The following MRPS27 variants were observed in gnomAD, a reference collection of about 807,000 sequenced individuals.
MRPS27 encodes the protein mitochondrial ribosomal protein S27.
A neutral mutation model predicts 48.9 loss-of-function variants in MRPS27; 43 were observed. The observed-to-expected ratio is 0.88, with a 90% CI of 0.69 to 1.13. The LOEUF (loss-of-function observed/expected upper bound fraction) is 1.13, where lower values mean the gene tolerates loss of function less well. Ranked by LOEUF, MRPS27 falls within the 50% of genes most tolerant of loss-of-function variation. MRPS27 has a pLI of 0.00. For synonymous variants in MRPS27, 188 were observed against 171.9 expected, an observed-to-expected ratio of 1.09 and a Z score of -0.73; for missense variants, 467 against 476.3, an observed-to-expected ratio of 0.98 and a Z score of 0.18.
chr5:72,247,126 A>T, intron 4 of MRPS27, among the ~76,000 whole-genome samples: 1 of 152,192 alleles, frequency 6.6e-6, no homozygotes, highest in East Asian at 1.9e-4. Context: ...TACAGGGGCC[A>T]GTCAGTTAAT....
rs66874536 is a variant in MRPS27 at position 72,270,193 on chromosome 5, C to CAATAATAAT, written c.281+25329_281+25337dup. Among the ~76,000 whole-genome samples, 847 of 140,306 alleles carry CAATAATAAT rather than the reference C, an allele frequency of 6.0e-3. 8 individuals carry two copies. Among genetic ancestry groups the CAATAATAAT allele is most frequent in the African/African-American group, 0.017 (640 of 37,886 alleles). The allele number at this position is 140,306 out of a possible 152,430, so 92.0% of individuals were successfully genotyped here. On this transcript the variant is annotated intron_variant, in intron 4 of 10. Transcript: ENST00000261413. ...GGGCGACAAAAGAGAAACTCCATCT[C>CAATAATAAT]AATAATAATAATAATAATAATAATA...
intron 4 of MRPS27, among the ~76,000 whole-genome samples, chr5:72,282,288 C>T (rs1749552769): frequency 6.6e-6 from 1 of 152,192 alleles, no homozygotes; most frequent in African/African-American, 2.4e-5. Flanking sequence ...ATAAATCTCT[C>T]CTTGAAGCTT....
Position 72,223,655 on chromosome 5 carries a change from A to G in MRPS27, c.1005+28T>C, listed in dbSNP as rs1360877307. Reference sequence around the variant, plus strand: ...AGAGAAGTGTGTTTTATGCGCTGCTAAGAGAGACACGTTCTGCTATGATTC... The same window carrying G: ...AGAGAAGTGTGTTTTATGCGCTGCTGAGAGAGACACGTTCTGCTATGATTC... On this transcript the variant is annotated intron_variant, in intron 10 of 10. Transcript: ENST00000261413. 4.3e-6 allele frequency: 7 copies of G among 1,613,044 alleles called. No individual in the cohort carries two copies. The Admixed American group carries it at 6.7e-5, about 15-fold the overall frequency.
intron 4 of MRPS27, among the ~76,000 whole-genome samples, chr5:72,250,834 C>T (rs10474635): frequency 0.76 from 116,177 of 152,098 alleles, 45,018 homozygotes; most frequent in African/African-American, 0.89. Flanking sequence ...GGCGAGATCA[C>T]AGGCATAACT....
intron 2 of MRPS27, among the ~76,000 whole-genome samples, chr5:72,307,400 C>G (rs1258520176): frequency 6.6e-6 from 1 of 152,094 alleles, no homozygotes; most frequent in African/African-American, 2.4e-5. Context: ...TGAACACTAA[C>G]TGGATATTTC....
chr5:72,230,547 T>A (rs991226645), intron 7 of MRPS27, among the ~76,000 whole-genome samples: 2 of 152,168 alleles, frequency 1.3e-5, no homozygotes, highest in Non-Finnish European at 2.9e-5. Context: ...GCAGACCATC[T>A]CTTCCTGTGG....
chr5:72,280,505 T>C (rs989525479), intron 4 of MRPS27, among the ~76,000 whole-genome samples: 1 of 152,232 alleles, frequency 6.6e-6, no homozygotes, highest in Non-Finnish European at 1.5e-5. Flanking sequence ...CCTGCAAGGC[T>C]GCACAGCAGC....
At chr5:72,290,786 T>C (rs370325126) in intron 4 of MRPS27, among the ~76,000 whole-genome samples, 1 of 152,226 alleles carries the variant, frequency 6.6e-6, no homozygotes, top group East Asian at 1.9e-4. Context: ...TAACATGGGA[T>C]ATAAAAATTC....
At chr5:72,249,943 C>T (rs1188209529) in intron 4 of MRPS27, among the ~76,000 whole-genome samples, 1 of 152,014 alleles carries the variant, frequency 6.6e-6, no homozygotes, top group African/African-American at 2.4e-5. Context: ...GAGATCACGC[C>T]ACTGCACTCC....
chr5:72,301,263 A>T (rs1447127750), intron 2 of MRPS27, among the ~76,000 whole-genome samples: 1 of 152,216 alleles, frequency 6.6e-6, no homozygotes, highest in East Asian at 1.9e-4. Context: ...TGACTATCTT[A>T]AAGGGATTGA....
intron 4 of MRPS27, among the ~76,000 whole-genome samples, chr5:72,283,404 A>G (rs1749581761): frequency 6.6e-6 from 1 of 152,222 alleles, no homozygotes; most frequent in African/African-American, 2.4e-5. Context: ...AAAAACTGAC[A>G]CAAAGAGATA....
chr5:72,274,708 G>A (rs565518734), intron 4 of MRPS27, among the ~76,000 whole-genome samples: 1 of 152,146 alleles, frequency 6.6e-6, no homozygotes, highest in East Asian at 1.9e-4. Flanking sequence ...GCTTTTATAT[G>A]AGTGGCAGCA....
chr5:72,309,365 G>A (rs963551491), intron 2 of MRPS27, among the ~76,000 whole-genome samples: 1 of 151,754 alleles, frequency 6.6e-6, no homozygotes, highest in African/African-American at 2.4e-5. Context: ...TCCCGGGTTC[G>A]AGCGATTCTC....
intron 3 of MRPS27, among the ~76,000 whole-genome samples, chr5:72,295,990 TG>T (rs1202291243): frequency 1.3e-5 from 2 of 152,196 alleles, no homozygotes; most frequent in African/African-American, 4.8e-5. Context: ...AAGACTCTGA[TG>T]GCTAAAAAAC....
chr5:72,247,487 T>C (rs1748538581), intron 4 of MRPS27, among the ~76,000 whole-genome samples: 1 of 152,152 alleles, frequency 6.6e-6, no homozygotes, highest in Non-Finnish European at 1.5e-5. Context: ...TCCCCCACCA[T>C]ATGGTACCCA....
chr5:72,229,966 A>AC (rs1455126591), intron 7 of MRPS27, among the ~76,000 whole-genome samples: 4 of 152,238 alleles, frequency 2.6e-5, no homozygotes, highest in African/African-American at 9.6e-5. Context: ...GCTCACTGTA[A>AC]CCTCAAACTT....
intron 2 of MRPS27, among the ~76,000 whole-genome samples, chr5:72,306,259 A>G (rs1487005510): frequency 1.3e-5 from 2 of 152,232 alleles, no homozygotes; most frequent in African/African-American, 4.8e-5. Flanking sequence ...TTAAACAGCA[A>G]TAGTATGCAG....
chr5:72,316,890 G>A (rs1157292453), intron 1 of MRPS27, among the ~76,000 whole-genome samples: 1 of 151,742 alleles, frequency 6.6e-6, no homozygotes, highest in Non-Finnish European at 1.5e-5. Flanking sequence ...TTAGCCAGGC[G>A]TGGTGGTGCA....
In MRPS27 at chr5:72,219,897, A is replaced by G. The variant is rs1366328151; in HGVS notation, c.*1012T>C. On this transcript the variant is annotated 3_prime_UTR_variant, in exon 11 of 11. Coordinates refer to ENST00000261413, the MANE Select transcript of MRPS27 (RefSeq NM_015084.3). ...AAATTGGAAAAAAAATGTTACCCCA[A>G]CACGATGGAGAAGCCAATCCAAAAA... 6.6e-6 allele frequency: 1 copy of G among 152,620 alleles called. No homozygotes were observed. Among genetic ancestry groups the G allele is most frequent in the African/African-American group, 2.4e-5 (1 of 41,448 alleles). The allele number at this position is 152,620 out of a possible 1,614,324, so 9.5% of individuals were successfully genotyped here. A position where few individuals can be genotyped will look rare whatever the true frequency, so the allele number is the denominator to read the frequency against.
Sources: allele counts gnomAD v4.1 joint callset (sites outside exome capture counted in the v4.1 genomes callset), GRCh38; gene constraint gnomAD v4.1.1; transcripts MANE v1.5; gene names NCBI Gene and HGNC (gene_info 2026-07-23, HGNC 2026-07-21).